Variants in ICAM2 observed in about 807,000 individuals in gnomAD.
The protein encoded by ICAM2 is intercellular adhesion molecule 2.
Under a neutral mutation model 19.1 loss-of-function variants are expected in ICAM2, and 14 were observed. The observed-to-expected ratio is 0.73, with a 90% CI of 0.48 to 1.15. The LOEUF is 1.15. Ranked by LOEUF, ICAM2 falls within the 50% of genes most tolerant of loss-of-function variation. The probability of loss-of-function intolerance (pLI) is 0.00; values close to 1 mark genes in which losing one functional copy is unlikely to be tolerated. For missense variants in ICAM2, 311 were observed against 355.4 expected (o/e 0.88, Z 1.00); for synonymous variants, 153 against 152.7 (o/e 1.00, Z -0.01).
chr17:64,008,174 GGGTTGCTGGACTT>G (rs1911296861), intron 1 of ICAM2, among the ~76,000 whole-genome samples: 1 of 152,216 alleles, frequency 6.6e-6, no homozygotes, highest in South Asian at 2.1e-4. Context: ...TCCCTGGACG[GGGTTGCTGGACTT>G]GGGAATGATG....
At chr17:64,006,798 T>C (rs1911234494) in intron 1 of ICAM2, 63 bp from the exon 2 acceptor site, 1 of 945,542 alleles carries the variant, frequency 1.1e-6, no homozygotes. Flanking sequence ...TTCTGCAAAC[T>C]GATGACTGCA....
rs190028571 is a variant in ICAM2 at position 64,011,355 on chromosome 17, G to A, written c.-44-4620C>T. ...CACACGCCTGTAGTCTCAGCTCCTC[G>A]GGAGGCTGAGGCAGGAGAATTGCTT... On this transcript the variant is annotated intron_variant, in intron 1 of 4. Transcript: ENST00000579788. Among the ~76,000 whole-genome samples, 358 of 152,290 alleles carry A rather than the reference G, an allele frequency of 2.4e-3. 2 individuals are homozygous for A. The highest frequency in any genetic ancestry group is 8.0e-3 in the African/African-American group (332 of 41,560).
At chr17:64,013,846 T>C (rs1362870551) in intron 1 of ICAM2, among the ~76,000 whole-genome samples, 1 of 152,018 alleles carries the variant, frequency 6.6e-6, no homozygotes, top group African/African-American at 2.4e-5. Context: ...TATAGAACTA[T>C]AAAGAGGTAA....
chr17:64,004,028 G>T, intron 3 of ICAM2, 64 bp from the exon 4 acceptor site: 2 of 1,259,006 alleles, frequency 1.6e-6, no homozygotes, highest in South Asian at 1.4e-5. Context: ...GCCTCCCCCT[G>T]GCCAGGGCCA....
intron 1 of ICAM2, among the ~76,000 whole-genome samples, chr17:64,013,251 G>T (rs758069292): frequency 6.6e-6 from 1 of 152,234 alleles, no homozygotes. Flanking sequence ...GGCAGAGCTT[G>T]CAGTGAGTTG....
chr17:64,017,035 A>G (rs1911743016), intron 1 of ICAM2, among the ~76,000 whole-genome samples: 1 of 152,230 alleles, frequency 6.6e-6, no homozygotes, highest in African/African-American at 2.4e-5. Context: ...TAATGAGTAA[A>G]TCTTAGGAGA....
At chr17:64,019,811 C>A (rs142373411) in intron 1 of ICAM2, among the ~76,000 whole-genome samples, 1,505 of 90,638 alleles carry the variant, frequency 0.017, 12 homozygotes, top group Middle Eastern at 0.036. Context: ...AATGAAAACT[C>A]TGTCTCAAAA....
chr17:64,018,713 CTTTTT>C (rs67934258), intron 1 of ICAM2, among the ~76,000 whole-genome samples: 18 of 62,910 alleles, frequency 2.9e-4, no homozygotes, highest in African/African-American at 8.6e-4. Flanking sequence ...GTTTACTTCT[CTTTTT>C]TTTTTTTTTT....
intron 4 of ICAM2, 21 bp downstream of exon 4, chr17:64,003,623 C>T (rs1348216095): frequency 6.3e-7 from 1 of 1,599,660 alleles, no homozygotes; most frequent in Non-Finnish European, 8.5e-7. Context: ...CTCCCAACTC[C>T]ATCCACGGAT....
rs1262173519 is a variant in ICAM2, at chr17:64,002,876, C to T, written c.699G>A (p.Val233=). ...QMVIIVTVVS[V]LLSLFVTSVL... is the part of the protein sequence containing the mutation. ...CAGATGTCACGAACAGGGACAGCAACACCGACACCACCGTGACTATGATGA... is the reference window on the plus strand; with the variant it reads ...CAGATGTCACGAACAGGGACAGCAATACCGACACCACCGTGACTATGATGA... The change falls in exon 5 of 5, where the codon GTG becomes GTA. Residue 233 remains valine (V), a synonymous_variant. Transcript: ENST00000579788. 2 of 1,613,912 alleles carry T rather than the reference C, an allele frequency of 1.2e-6. No individual in the cohort carries two copies. Among genetic ancestry groups the T allele is most frequent in the South Asian group, 2.2e-5 (2 of 91,062 alleles).
chr17:64,006,441 G>A (rs1328692526), intron 2 of ICAM2, 190 bp downstream of exon 2: 5 of 583,406 alleles, frequency 8.6e-6, no homozygotes, highest in Non-Finnish European at 1.5e-5. Flanking sequence ...GAGGTGCAGT[G>A]AGCCATGATC....
chr17:64,020,171 T>C (rs1374072251), intron 1 of ICAM2, among the ~76,000 whole-genome samples: 1 of 151,230 alleles, frequency 6.6e-6, no homozygotes, highest in Non-Finnish European at 1.5e-5. Context: ...CTGCATCAGC[T>C]CAGATGGTCC....
rs1567843178 is a variant in ICAM2 at position 64,002,836 on chromosome 17, T to A, written c.739A>T (p.Ile247Phe). ...TGCTGGCGCAAGTGCTGGCCGAAGA[T>A]GAAGCAGAGCAGGACAGATGTCACG... is the stretch of plus-strand genomic sequence containing the variant. ...LFVTSVLLCF[I>F]FGQHLRQQRM... is the part of the protein sequence containing the mutation. The change falls in exon 5 of 5, where the codon ATC becomes TTC. Residue 247 changes from isoleucine to phenylalanine, a missense_variant. Physicochemically the swap from Ile to Phe is conservative, Grantham distance 21. Transcript: ENST00000579788. The A allele has an allele frequency of 1.2e-6, 2 of 1,613,774 alleles. No homozygotes were observed. The highest frequency in any genetic ancestry group is 8.5e-7 in the Non-Finnish European group (1 of 1,179,992).
chr17:64,004,183 T>TAC (rs1911042279), intron 3 of ICAM2: 2 of 547,362 alleles, frequency 3.7e-6, no homozygotes, highest in Non-Finnish European at 6.5e-6. Flanking sequence ...ACCAGGTGTC[T>TAC]ACAAGGACAA....
intron 1 of ICAM2, among the ~76,000 whole-genome samples, chr17:64,019,984 A>G (rs1368433862): frequency 6.6e-6 from 1 of 152,126 alleles, no homozygotes; most frequent in Non-Finnish European, 1.5e-5. Context: ...AATTTTACAA[A>G]AATAATAAAA....
intron 1 of ICAM2, among the ~76,000 whole-genome samples, chr17:64,012,456 C>T (rs765144549): frequency 2.1e-4 from 32 of 152,098 alleles, no homozygotes; most frequent in Non-Finnish European, 4.0e-4. Flanking sequence ...AAAAATTGGC[C>T]GGGCATAGTG....
chr17:64,010,661 A>G (rs907147648), intron 1 of ICAM2, among the ~76,000 whole-genome samples: 10 of 152,220 alleles, frequency 6.6e-5, no homozygotes, highest in Non-Finnish European at 1.5e-4. Flanking sequence ...GCATTTACAA[A>G]TGTGCTTCAG....
chr17:64,012,780 A>T (rs920149831), intron 1 of ICAM2, among the ~76,000 whole-genome samples: 1 of 152,184 alleles, frequency 6.6e-6, no homozygotes, highest in African/African-American at 2.4e-5. Context: ...GGTTATACGA[A>T]AATGCTATGC....
Position 64,002,942 on chromosome 17 carries a change from C to A in ICAM2, c.650-17G>T. 1 of 1,610,922 alleles carries A rather than the reference C, an allele frequency of 6.2e-7. No individual in the cohort carries two copies. The highest frequency in any genetic ancestry group is 8.5e-7 in the Non-Finnish European group (1 of 1,178,150). On this transcript the variant is annotated splice_polypyrimidine_tract_variant and intron_variant, in intron 4 of 4. Coordinates refer to ENST00000579788, the MANE Select transcript of ICAM2 (RefSeq NM_001099789.2). ...ACACAGGCTCTGGGGAGGGAGGGGG[C>A]AAGGGTCTTAGACGTCCTGTGATCC...
Sources: allele counts gnomAD v4.1 joint callset (sites outside exome capture counted in the v4.1 genomes callset), GRCh38; gene constraint gnomAD v4.1.1; transcripts MANE v1.5; gene names NCBI Gene and HGNC (gene_info 2026-07-23, HGNC 2026-07-21).